The following YTHDC2 variants were observed in gnomAD, a reference collection of about 807,000 sequenced individuals.
The protein encoded by YTHDC2 is YTH N6-methyladenosine RNA binding protein C2.
A neutral mutation model predicts 174.9 loss-of-function variants in YTHDC2; 45 were observed. That is an observed-to-expected ratio of 0.26 (90% CI 0.20 to 0.33). The LOEUF (loss-of-function observed/expected upper bound fraction) is 0.33, where lower values mean the gene tolerates loss of function less well. Among genes scored for constraint, YTHDC2 ranks in the 10% least tolerant of loss-of-function variants. The pLI, the probability that YTHDC2 is intolerant of heterozygous loss-of-function variation, is 1.00. For missense variants in YTHDC2, 1,650 were observed against 1,723.7 expected, an observed-to-expected ratio of 0.96 and a Z score of 0.76; for synonymous variants, 657 against 574.5, an observed-to-expected ratio of 1.14 and a Z score of -2.05.
intron 2 of YTHDC2, among the ~76,000 whole-genome samples, chr5:113,520,661 G>C (rs1773801029): frequency 6.6e-6 from 1 of 152,108 alleles, no homozygotes; most frequent in Non-Finnish European, 1.5e-5. Context: ...TGCACTTTTT[G>C]TTCACAGAAG....
intron 12 of YTHDC2, among the ~76,000 whole-genome samples, chr5:113,549,776 A>G (rs2112657176): frequency 6.6e-6 from 1 of 152,106 alleles, no homozygotes; most frequent in African/African-American, 2.4e-5. Context: ...ACACTATGTA[A>G]TATACTTGTT....
intron 3 of YTHDC2, 107 bp from the exon 4 acceptor site, chr5:113,526,479 T>G (rs1580486576): frequency 1.3e-6 from 1 of 781,470 alleles, no homozygotes; most frequent in East Asian, 3.0e-5. Flanking sequence ...TTAGAAATTA[T>G]GTCTTTTGGC....
intron 6 of YTHDC2, among the ~76,000 whole-genome samples, chr5:113,535,399 G>A (rs1401105397): frequency 1.3e-5 from 2 of 151,964 alleles, no homozygotes; most frequent in East Asian, 1.9e-4. Context: ...TTTGGCATGG[G>A]GGAAGGCCCT....
At chr5:113,522,185 C>A (rs1326829699) in intron 2 of YTHDC2, among the ~76,000 whole-genome samples, 1 of 143,530 alleles carries the variant, frequency 7.0e-6, no homozygotes, top group Non-Finnish European at 1.5e-5. Context: ...TTTTAAGAGA[C>A]TCCTGGTGTC....
At position 113,584,547 on chromosome 5, in the gene YTHDC2, A is replaced by C. The variant is rs1778573667; in HGVS notation, c.3825+68A>C. 7 of 1,313,642 alleles carry C rather than the reference A, an allele frequency of 5.3e-6. No homozygotes were observed. In the South Asian group the frequency reaches 1.1e-4, roughly 20 times the overall value. 81.4% of individuals were successfully genotyped at this position (1,313,642 alleles called of 1,614,324 possible). A position where few individuals can be genotyped will look rare whatever the true frequency, so the allele number is the denominator to read the frequency against. On this transcript the variant is annotated intron_variant, in intron 26 of 29. Transcript: ENST00000161863. ...AGCACATGTAATCCTAGGTAAATAA[A>C]ATTGTAAAACAATTAGAGTACTTTT...
At chr5:113,586,478 A>G (rs1180056917) in intron 26 of YTHDC2, among the ~76,000 whole-genome samples, 1 of 151,822 alleles carries the variant, frequency 6.6e-6, no homozygotes, top group Admixed American at 6.6e-5. Flanking sequence ...CATTTCCTTA[A>G]CAGTGCCTTT....
intron 2 of YTHDC2, among the ~76,000 whole-genome samples, chr5:113,520,855 T>A (rs993404208): frequency 6.6e-6 from 1 of 152,192 alleles, no homozygotes; most frequent in African/African-American, 2.4e-5. Flanking sequence ...TACAGATTAT[T>A]TCATCACCCA....
At chr5:113,532,347 G>C (rs1277441284) in intron 4 of YTHDC2, among the ~76,000 whole-genome samples, 4 of 152,124 alleles carry the variant, frequency 2.6e-5, no homozygotes, top group African/African-American at 9.7e-5. Context: ...ATTGGTGGCA[G>C]GGAGTAGGTA....
chr5:113,530,996 C>G (rs1342324341), intron 4 of YTHDC2, among the ~76,000 whole-genome samples: 1 of 152,136 alleles, frequency 6.6e-6, no homozygotes, highest in Non-Finnish European at 1.5e-5. Context: ...CCCCCCAACT[C>G]CTTCTCTCCG....
At chr5:113,517,582 A>G in intron 2 of YTHDC2, 2 of 456,316 alleles carry the variant, frequency 4.4e-6, no homozygotes, top group Middle Eastern at 3.3e-4. Context: ...AAAGAAGAAA[A>G]AGGAAAGAGA....
At chr5:113,520,587 T>A (rs960173264) in intron 2 of YTHDC2, among the ~76,000 whole-genome samples, 1 of 152,100 alleles carries the variant, frequency 6.6e-6, no homozygotes, top group Non-Finnish European at 1.5e-5. Context: ...ATCTCTGGCC[T>A]GGTATTTACC....
At chr5:113,522,756 A>G (rs1465569689) in intron 2 of YTHDC2, among the ~76,000 whole-genome samples, 1 of 152,172 alleles carries the variant, frequency 6.6e-6, no homozygotes, top group East Asian at 1.9e-4. Flanking sequence ...AATGAGGTGA[A>G]TATTTTACCA....
At chr5:113,517,385 A>G (rs1394846124) in intron 2 of YTHDC2, among the ~76,000 whole-genome samples, 1 of 152,210 alleles carries the variant, frequency 6.6e-6, no homozygotes. Context: ...CTATGGTTAC[A>G]TGGGTCTTGC....
At chr5:113,567,031 A>G (rs1277028340) in intron 21 of YTHDC2, 61 bp from the exon 22 acceptor site, 58 of 1,521,754 alleles carry the variant, frequency 3.8e-5, no homozygotes, top group South Asian at 5.2e-5. Context: ...GTTTTTGGAA[A>G]AAATACACAA....
At chr5:113,556,733 A>G (rs1776636226) in intron 17 of YTHDC2, among the ~76,000 whole-genome samples, 1 of 152,222 alleles carries the variant, frequency 6.6e-6, no homozygotes. Context: ...TTCAGAGTGC[A>G]ATTTGAAACT....
Position 113,595,004 on chromosome 5 carries a change from C to T in YTHDC2, c.*1530C>T, listed in dbSNP as rs1452731905. 1 of 152,000 alleles carries T rather than the reference C, an allele frequency of 6.6e-6. No homozygotes were observed. The highest frequency in any genetic ancestry group is 1.5e-5 in the Non-Finnish European group (1 of 68,000). The allele number at this position is 152,000 out of a possible 1,614,324, so 9.4% of individuals were successfully genotyped here. On this transcript the variant is annotated 3_prime_UTR_variant, in exon 30 of 30. Transcript: ENST00000161863. ...TTGAACCTATTTGAATTATATTCCACTGTATGTGTATTATGGCTCTTTTCC... is the reference window on the plus strand; with the variant it reads ...TTGAACCTATTTGAATTATATTCCATTGTATGTGTATTATGGCTCTTTTCC...
At chr5:113,571,527 G>A (rs1045312853) in intron 23 of YTHDC2, among the ~76,000 whole-genome samples, 1 of 152,124 alleles carries the variant, frequency 6.6e-6, no homozygotes, top group African/African-American at 2.4e-5. Context: ...CTTTTCAGTT[G>A]TTTGGAATAG....
chr5:113,548,394 A>C (rs953336772), intron 10 of YTHDC2, 147 bp from the exon 11 acceptor site: 1 of 659,676 alleles, frequency 1.5e-6, no homozygotes, highest in African/African-American at 1.8e-5. Context: ...GTTAAGGGTT[A>C]TGTAGTGCTG....
intron 10 of YTHDC2, among the ~76,000 whole-genome samples, 168 bp from the exon 11 acceptor site, chr5:113,548,373 A>G (rs1031304286): frequency 2.0e-5 from 3 of 152,210 alleles, no homozygotes; most frequent in African/African-American, 7.2e-5. Flanking sequence ...AGATTGCTGT[A>G]AGTGATCTAA....
Sources: gnomAD v4.1 joint callset for allele counts (sites outside exome capture counted in the v4.1 genomes callset) on GRCh38, gnomAD v4.1.1 for gene constraint, MANE v1.5 for transcripts, NCBI Gene and HGNC (gene_info 2026-07-23, HGNC 2026-07-21) for gene names.